RARA: variants seen among roughly 807,000 people sequenced by gnomAD.
RARA encodes retinoic acid receptor alpha, also known as PML-DDX5-RARA fusion.
A neutral mutation model predicts 42.8 loss-of-function variants in RARA; 5 were observed. The ratio of observed to expected loss-of-function variants is 0.12; its 90% confidence interval spans 0.06 to 0.25. The LOEUF (loss-of-function observed/expected upper bound fraction) is 0.25, where lower values mean the gene tolerates loss of function less well. RARA is among the 10% of genes least tolerant of loss of function. The probability of loss-of-function intolerance (pLI) is 1.00; values close to 1 mark genes in which losing one functional copy is unlikely to be tolerated. For missense variants in RARA, 402 were observed against 628.7 expected (o/e 0.64, Z 3.86); for synonymous variants, 256 against 259.5 (o/e 0.99, Z 0.13).
chr17:40,342,152 G>A lies in RARA; in HGVS notation c.179-6164G>A, dbSNP rs535904098. ...GGGAGGGGGCGCGCAGAGCTGGGGTGGGGGGGCCGTGGCGCGTACCACCAG... is the reference window on the plus strand; with the variant it reads ...GGGAGGGGGCGCGCAGAGCTGGGGTAGGGGGGCCGTGGCGCGTACCACCAG... On this transcript the variant is annotated intron_variant, in intron 2 of 8. Transcript: ENST00000254066. The A allele has an allele frequency of 7.6e-4, 793 of 1,046,406 alleles. 2 individuals carry two copies. The highest frequency in any genetic ancestry group is 8.7e-4 in the Non-Finnish European group (757 of 866,688). 64.8% of individuals were successfully genotyped at this position (1,046,406 alleles called of 1,614,324 possible).
chr17:40,331,497 C>T, intron 2 of RARA, 101 bp downstream of exon 2: 2 of 1,347,936 alleles, frequency 1.5e-6, no homozygotes, highest in Non-Finnish European at 2.0e-6. Context: ...GAGTGGAAGG[C>T]ACGGTGAGCG....
chr17:40,336,734 C>T (rs1358071176), intron 2 of RARA, among the ~76,000 whole-genome samples: 10 of 149,490 alleles, frequency 6.7e-5, no homozygotes, highest in Admixed American at 6.0e-4. Flanking sequence ...CTCATTCTGT[C>T]ACCCGGGCTG....
intron 2 of RARA, among the ~76,000 whole-genome samples, chr17:40,344,270 G>A (rs1310241780): frequency 6.6e-6 from 1 of 152,078 alleles, no homozygotes; most frequent in Non-Finnish European, 1.5e-5. Context: ...TTTCCTCTAG[G>A]GCCGAATCTG....
Position 40,349,821 on chromosome 17 carries a change from A to G in RARA, c.365A>G (p.Tyr122Cys). The change falls in exon 4 of 9, where the codon TAC becomes TGC. Residue 122 changes from tyrosine to cysteine, a missense_variant. By Grantham distance (194) the Tyr-to-Cys change is radical (BLOSUM62 -2). Around this residue, in one of 5 missense-constraint regions of RARA, gnomAD observed 130 missense variants for 267.9 expected, o/e 0.49. Transcript: ENST00000254066. ...CGCAGCATCCAGAAGAACATGGTGT[A>G]CACGTGTCACCGGGACAAGAACTGC... is the stretch of plus-strand genomic sequence containing the variant. ...FRRSIQKNMV[Y>C]TCHRDKNCII... 1 of 1,614,220 alleles carries G rather than the reference A, an allele frequency of 6.2e-7. No individual in the cohort carries two copies. The highest frequency in any genetic ancestry group is 8.5e-7 in the Non-Finnish European group (1 of 1,180,032).
At chr17:40,315,131 TGTATA>T (rs1567742984) in intron 1 of RARA, among the ~76,000 whole-genome samples, 3 of 62,642 alleles carry the variant, frequency 4.8e-5, no homozygotes, top group African/African-American at 2.3e-4. Flanking sequence ...TGCTTATATG[TGTATA>T]TATATATATA....
At chr17:40,314,452 G>A (rs1045832358) in intron 1 of RARA, among the ~76,000 whole-genome samples, 2 of 152,060 alleles carry the variant, frequency 1.3e-5, no homozygotes, top group African/African-American at 2.4e-5. Context: ...GTGGCAGGAG[G>A]AGGTGGGGCA....
chr17:40,353,675 C>T (rs2034523784), intron 6 of RARA, among the ~76,000 whole-genome samples: 1 of 152,162 alleles, frequency 6.6e-6, no homozygotes, highest in Non-Finnish European at 1.5e-5. Context: ...AGGCCGGTCT[C>T]GAACTCCTGA....
At position 40,348,229 on chromosome 17, in the gene RARA, T is replaced by C. The variant is rs773389758; in HGVS notation, c.179-87T>C. The C allele has an allele frequency of 2.2e-5, 31 of 1,441,588 alleles. No individual in the cohort carries two copies. In the Admixed American group the frequency reaches 4.3e-4, roughly 20 times the overall value. 89.3% of individuals were successfully genotyped at this position (1,441,588 alleles called of 1,614,324 possible). A position where few individuals can be genotyped will look rare whatever the true frequency, so the allele number is the denominator to read the frequency against. On this transcript the variant is annotated intron_variant, in intron 2 of 8. Coordinates refer to ENST00000254066, the MANE Select transcript of RARA (RefSeq NM_000964.4). ...GCAGTGGTGAGGCTGGGAGAGGCTC[T>C]TAGGAGGGACGGTGAGGCAGGGTGG...
At chr17:40,335,386 T>C (rs566000193) in intron 2 of RARA, among the ~76,000 whole-genome samples, 3 of 152,170 alleles carry the variant, frequency 2.0e-5, no homozygotes, top group East Asian at 1.9e-4. Flanking sequence ...CATTTAGTGC[T>C]GAGTTTAAAA....
intron 2 of RARA, among the ~76,000 whole-genome samples, chr17:40,336,232 T>C (rs952667923): frequency 6.6e-6 from 1 of 151,922 alleles, no homozygotes; most frequent in Non-Finnish European, 1.5e-5. Flanking sequence ...CGCCCGCCAC[T>C]ATGCTGGACT....
At chr17:40,329,150 T>G (rs2033623768) in intron 1 of RARA, among the ~76,000 whole-genome samples, 1 of 148,622 alleles carries the variant, frequency 6.7e-6, no homozygotes, top group Non-Finnish European at 1.5e-5. Flanking sequence ...TTTTTTTTTT[T>G]GAGATGGAGT....
chr17:40,334,149 C>G (rs2033779679), intron 2 of RARA, among the ~76,000 whole-genome samples: 1 of 152,222 alleles, frequency 6.6e-6, no homozygotes, highest in Admixed American at 6.5e-5. Flanking sequence ...TTCCCCTCCC[C>G]TCAATGTTGC....
rs756376673 is a variant in RARA at position 40,351,992 on chromosome 17, G to T, written c.552G>T (p.Val184=). The T allele has an allele frequency of 1.5e-5, 24 of 1,603,410 alleles. No homozygotes were observed. In the South Asian group the frequency reaches 1.6e-4, roughly 10 times the overall value. ...CSESYTLTPE[V]GELIEKVRKA... ...AGAGCTACACGCTGACGCCGGAGGT[G>T]GGGGAGCTCATTGAGAAGGTGCGCA... Residue 184 remains valine (V), a synonymous_variant, in exon 5 of 9, where the codon GTG becomes GTT. Transcript: ENST00000254066. The surrounding 1 kb of genome is among the most constrained non-coding windows in gnomAD (Gnocchi z 4.1).
At chr17:40,343,342 CCTTGCT>C (rs2034143765) in intron 2 of RARA, among the ~76,000 whole-genome samples, 1 of 152,170 alleles carries the variant, frequency 6.6e-6, no homozygotes, top group Non-Finnish European at 1.5e-5. Context: ...TGCCCCCAGC[CCTTGCT>C]CTTGCGTCAT....
chr17:40,343,138 C>A, intron 2 of RARA: 1 of 484,582 alleles, frequency 2.1e-6, no homozygotes, highest in Non-Finnish European at 3.2e-6. Context: ...TTCACTTCTT[C>A]CAGGAGAAAT....
chr17:40,329,722 G>A (rs938805782), intron 1 of RARA, among the ~76,000 whole-genome samples: 2 of 152,180 alleles, frequency 1.3e-5, no homozygotes, highest in Non-Finnish European at 2.9e-5. Flanking sequence ...CCAAAGTGGT[G>A]GGATTACAGG....
chr17:40,320,335 C>A lies in RARA; in HGVS notation c.-362-10522C>A, dbSNP rs894005209. 1.3e-5 allele frequency among the ~76,000 whole-genome samples: 2 copies of A among 152,144 alleles called. No individual in the cohort carries two copies. Among genetic ancestry groups the A allele is most frequent in the African/African-American group, 4.8e-5 (2 of 41,408 alleles). On this transcript the variant is annotated intron_variant, in intron 1 of 8. Transcript: ENST00000254066. The surrounding 1 kb of genome is among the most constrained non-coding windows in gnomAD (Gnocchi z 4.1). ...TACTCCCAACCTTGAGGCAGCCTGG[C>A]AGGAAGCCAGCTGTGGGCAGCCCCA... is the stretch of plus-strand genomic sequence containing the variant.
At chr17:40,336,201 C>T (rs954967951) in intron 2 of RARA, among the ~76,000 whole-genome samples, 2 of 151,904 alleles carry the variant, frequency 1.3e-5, no homozygotes, top group African/African-American at 2.4e-5. Context: ...CCACAGCCTC[C>T]TGAGTAGCTG....
rs1395399960 is a variant in RARA, at chr17:40,326,919, C to A, written c.-362-3938C>A. On this transcript the variant is annotated intron_variant, in intron 1 of 8. Coordinates refer to ENST00000254066, the MANE Select transcript of RARA (RefSeq NM_000964.4). This position sits in a 1 kb window ranked among gnomAD's most constrained non-coding sequence, Gnocchi z 5.2. ...CCTGGTCATCCCTACCCTTGCCCAT[C>A]CCTGTTCTCTGGTCTTTCTGGCCCT... 6.6e-6 allele frequency among the ~76,000 whole-genome samples: 1 copy of A among 152,180 alleles called. No homozygotes were observed. The highest frequency in any genetic ancestry group is 1.5e-5 in the Non-Finnish European group (1 of 68,034).
Sources: gnomAD v4.1 joint callset for allele counts (sites outside exome capture counted in the v4.1 genomes callset) on GRCh38, gnomAD v4.1.1 for gene constraint, gnomAD v4.1.1 regional missense constraint, Gnocchi (gnomAD v3.1) non-coding constraint, MANE v1.5 for transcripts, NCBI Gene and HGNC (gene_info 2026-07-23, HGNC 2026-07-21) for gene names.